The following UMOD variants were observed in gnomAD, a reference collection of about 807,000 sequenced individuals.
The protein encoded by UMOD is Tamm-Horsfall urinary glycoprotein.
In UMOD, 64 loss-of-function variants were observed where a neutral mutation model predicts 66.0. The ratio of observed to expected loss-of-function variants is 0.97; its 90% CI spans 0.79 to 1.19. The LOEUF is 1.19. Ranked by LOEUF, UMOD falls within the 50% of genes most tolerant of loss-of-function variation. The pLI is 0.00. For synonymous variants in UMOD, 398 were observed against 352.7 expected, an observed-to-expected ratio of 1.13 and a Z score of -1.44; for missense variants, 764 against 850.9, an observed-to-expected ratio of 0.90 and a Z score of 1.27.
At chr16:20,348,008 G>A (rs1965678065) in intron 4 of UMOD, among the ~76,000 whole-genome samples, 1 of 152,202 alleles carries the variant, frequency 6.6e-6, no homozygotes, top group South Asian at 2.1e-4. Flanking sequence ...CAAATCTTTG[G>A]CAGCTTTGAA....
chr16:20,351,414 A>T (rs1738538694), intron 1 of UMOD: 1 of 162,706 alleles, frequency 6.1e-6, no homozygotes, highest in African/African-American at 2.4e-5. Flanking sequence ...AATTGGAAAA[A>T]TAGTCCAGGG....
intron 10 of UMOD, among the ~76,000 whole-genome samples, chr16:20,334,226 G>A (rs974136753): frequency 6.6e-5 from 10 of 151,866 alleles, no homozygotes; most frequent in African/African-American, 2.4e-4. Context: ...AGAAGTGGGG[G>A]TTCTTGTTTG....
At chr16:20,345,700 T>G (rs1965542864) in intron 5 of UMOD, among the ~76,000 whole-genome samples, 3 of 151,890 alleles carry the variant, frequency 2.0e-5, no homozygotes, top group Admixed American at 1.3e-4. Context: ...CCTCTGTAGG[T>G]GAGGTCCTGA....
chr16:20,335,654 T>C (rs141410325), intron 9 of UMOD, 134 bp from the exon 10 acceptor site: 1 of 823,118 alleles, frequency 1.2e-6, no homozygotes, highest in East Asian at 2.7e-5. Flanking sequence ...CTGATCATGT[T>C]ACTCCCCTAC....
At chr16:20,340,274 A>G (rs9923532) in intron 7 of UMOD, among the ~76,000 whole-genome samples, 65,290 of 151,834 alleles carry the variant, frequency 0.43, 17,105 homozygotes, top group Non-Finnish European at 0.6. Flanking sequence ...CATGAGGCTA[A>G]AGCTGGAGGA....
intron 4 of UMOD, 142 bp downstream of exon 4, chr16:20,348,081 T>C (rs1413529852): frequency 2.5e-6 from 2 of 795,738 alleles, no homozygotes; most frequent in Non-Finnish European, 4.3e-6. Context: ...TGGGTATTAG[T>C]GGATCTTCTG....
Position 20,348,543 on chromosome 16 carries a change from C to T in UMOD, c.758G>A (p.Gly253Asp), listed in dbSNP as rs760253448. 1.6e-5 allele frequency: 26 copies of T among 1,601,940 alleles called. No individual in the cohort carries two copies. The Admixed American group carries it at 2.5e-4, about 16-fold the overall frequency. ...VSRKACAHWSGHCCLWDASVQ... is the reference protein window; with the variant it reads ...VSRKACAHWSDHCCLWDASVQ... ...GGACGCATCCCACAGGCAGCAGTGGCCGCTCCAGTGCGCGCAGGCCTTGCG... is the reference window on the plus strand; with the variant it reads ...GGACGCATCCCACAGGCAGCAGTGGTCGCTCCAGTGCGCGCAGGCCTTGCG... The change falls in exon 3 of 11, where the codon GGC (glycine) becomes GAC (aspartate). Residue 253 changes from glycine (G) to aspartate (D), a missense_variant. Transcript: ENST00000396138.
At chr16:20,344,282 G>A (rs1965413088) in intron 5 of UMOD, 110 bp from the exon 6 acceptor site, 1 of 1,110,590 alleles carries the variant, frequency 9.0e-7, no homozygotes, top group Non-Finnish European at 1.3e-6. Context: ...GGCTACTTGT[G>A]AGCCGCTCTC....
chr16:20,341,983 T>C (rs900858019), intron 6 of UMOD, among the ~76,000 whole-genome samples: 2 of 152,212 alleles, frequency 1.3e-5, no homozygotes, highest in African/African-American at 2.4e-5. Flanking sequence ...TACTCCGAAA[T>C]GTGGAAGTCC....
chr16:20,349,167 T>A lies in UMOD; in HGVS notation c.134A>T (p.Glu45Val). The change falls in exon 3 of 11, where the codon GAG (glutamate) becomes GTG (valine). Residue 45 changes from glutamate to valine, a missense_variant. By Grantham distance (121) the Glu-to-Val change is moderately radical. Coordinates refer to ENST00000396138, the MANE Select transcript of UMOD (RefSeq NM_003361.4). ...CHSNATCTED[E>V]AVTTCTCQEG... ...CTGACAGGTGCACGTCGTAACGGCC[T>A]CATCCTCCGTGCAGGTGGCATTGCT... is the stretch of plus-strand genomic sequence containing the variant. The A allele has an allele frequency of 6.2e-7, 1 of 1,614,040 alleles. No homozygotes were observed. The highest frequency in any genetic ancestry group is 8.5e-7 in the Non-Finnish European group (1 of 1,180,022).
upstream of UMOD, among the ~76,000 whole-genome samples, chr16:20,354,977 T>G (rs1334929588): frequency 6.6e-6 from 1 of 152,164 alleles, no homozygotes; most frequent in East Asian, 1.9e-4. Context: ...TAGAGACAAC[T>G]CCTATGGCCC....
In UMOD at chr16:20,348,494, G is replaced by A; in HGVS notation, c.807C>T (p.Gly269=). The A allele has an allele frequency of 6.2e-7, 1 of 1,610,964 alleles. No individual in the cohort carries two copies. The highest frequency in any genetic ancestry group is 8.5e-7 in the Non-Finnish European group (1 of 1,179,778). The change falls in exon 3 of 11, where the codon GGC becomes GGT. Residue 269 remains glycine, a synonymous_variant. Coordinates refer to ENST00000396138, the MANE Select transcript of UMOD (RefSeq NM_003361.4). ...DASVQVKACA[G]GYYVYNLTAP... ...CTGTCAGGTTGTAGACGTAGTAGCC[G>A]CCGGCACAGGCCTTCACCTGGACGG...
intron 2 of UMOD, chr16:20,349,871 T>C: frequency 6.5e-7 from 1 of 1,528,964 alleles, no homozygotes. Context: ...ACTTTGTTCC[T>C]CCGTAATAAA....
At chr16:20,351,257 C>T (rs191033902) in intron 1 of UMOD, 28 of 210,032 alleles carry the variant, frequency 1.3e-4, no homozygotes, top group Non-Finnish European at 2.1e-4. Flanking sequence ...GGGAGCTAGT[C>T]ACCATGGAGA....
intron 7 of UMOD, among the ~76,000 whole-genome samples, chr16:20,338,009 G>A (rs868177293): frequency 6.6e-6 from 1 of 152,030 alleles, no homozygotes; most frequent in Non-Finnish European, 1.5e-5. Context: ...GATACCCATA[G>A]GCTTTCTGGG....
At chr16:20,335,635 A>G in intron 9 of UMOD, 115 bp from the exon 10 acceptor site, 1 of 1,009,892 alleles carries the variant, frequency 9.9e-7, no homozygotes, top group Non-Finnish European at 1.5e-6. Flanking sequence ...ATCTCTTCAA[A>G]ACCCAAATCT....
rs375932019 is a variant in UMOD, at chr16:20,350,754, G to A, written c.-17C>T. 85 of 1,613,884 alleles carry A rather than the reference G, an allele frequency of 5.3e-5. No homozygotes were observed. The highest frequency in any genetic ancestry group is 6.4e-5 in the Non-Finnish European group (76 of 1,179,970). ...CTGCCCCATCCTTTCTGCTCTTCCC[G>A]CTACTTCAGGTCTAGATAGCACCTG... On this transcript the variant is annotated 5_prime_UTR_variant, in exon 2 of 11. Coordinates refer to ENST00000396138, the MANE Select transcript of UMOD (RefSeq NM_003361.4).
At chr16:20,352,872 T>C, upstream of UMOD, 3 of 584,414 alleles carry the variant, frequency 5.1e-6, no homozygotes, top group Non-Finnish European at 7.6e-6. Flanking sequence ...GCTGTGAGGT[T>C]GTTGTTGTTC....
chr16:20,345,480 T>TTCCCTCCCTCCCTACCTCCC (rs1965516426), intron 5 of UMOD, among the ~76,000 whole-genome samples: 1 of 28,186 alleles, frequency 3.5e-5, no homozygotes, highest in Non-Finnish European at 9.3e-5. Flanking sequence ...CCTTCCTTCC[T>TTCCCTCCCTCCCTACCTCCC]TCCCTCCCTC....
Sources: allele counts gnomAD v4.1 joint callset (sites outside exome capture counted in the v4.1 genomes callset), GRCh38; gene constraint gnomAD v4.1.1; transcripts MANE v1.5; gene names NCBI Gene and HGNC (gene_info 2026-07-23, HGNC 2026-07-21).